GOLGB1: variants seen among roughly 807,000 people sequenced by gnomAD.
The protein encoded by GOLGB1 is golgin subfamily B member 1.
Under a neutral mutation model 336.9 loss-of-function variants are expected in GOLGB1, and 174 were observed. The observed-to-expected ratio is 0.52, with a 90% confidence interval of 0.46 to 0.59. The LOEUF is 0.59. Among genes scored for constraint, GOLGB1 ranks in the 20% least tolerant of loss-of-function variants. GOLGB1 has a pLI of 0.00. For missense variants in GOLGB1, 3,331 were observed against 3,645.3 expected, an observed-to-expected ratio of 0.91 and a Z score of 2.22; for synonymous variants, 1,208 against 1,289.2, an observed-to-expected ratio of 0.94 and a Z score of 1.35.
At chr3:121,727,674 A>T (rs924068056) in intron 4 of GOLGB1, among the ~76,000 whole-genome samples, 1 of 150,632 alleles carries the variant, frequency 6.6e-6, no homozygotes, top group Non-Finnish European at 1.5e-5. Context: ...TCAATAATCT[A>T]TTTTTTTTTC....
rs1220751899 is a variant in GOLGB1 at position 121,722,381 on chromosome 3, T to A, written c.532-3A>T. 5 of 1,500,078 alleles carry A rather than the reference T, an allele frequency of 3.3e-6. No homozygotes were observed. The Admixed American group carries it at 6.7e-5, about 20-fold the overall frequency. The allele number at this position is 1,500,078 out of a possible 1,614,324, so 92.9% of individuals were successfully genotyped here. On this transcript the variant is annotated splice_region_variant and splice_polypyrimidine_tract_variant and intron_variant, in intron 5 of 21. Coordinates refer to ENST00000614479, the MANE Select transcript of GOLGB1 (RefSeq NM_001366282.2). Reference sequence around the variant, plus strand: ...AATTCTTCCATCTCTGTAGAACTCTTATCAAACCGAAGACATAGAAGGAAA... The same window carrying A: ...AATTCTTCCATCTCTGTAGAACTCTAATCAAACCGAAGACATAGAAGGAAA...
chr3:121,677,573 G>A (rs1940574740), intron 15 of GOLGB1, 123 bp from the exon 16 acceptor site: 2 of 657,718 alleles, frequency 3.0e-6, no homozygotes, highest in Non-Finnish European at 5.2e-6. Flanking sequence ...GGTAAAGAAA[G>A]AAAGGCTAAG....
At chr3:121,679,111 A>G (rs922487712) in intron 15 of GOLGB1, among the ~76,000 whole-genome samples, 3 of 152,214 alleles carry the variant, frequency 2.0e-5, no homozygotes, top group African/African-American at 7.2e-5. Context: ...AAAATAAAAT[A>G]GACACATTTC....
chr3:121,730,066 T>A lies in GOLGB1; in HGVS notation c.97-49A>T, dbSNP rs751042602. The A allele has an allele frequency of 3.1e-5, 42 of 1,345,202 alleles. 1 individual carries two copies. Among genetic ancestry groups the A allele is most frequent in the Non-Finnish European group, 4.2e-5 (40 of 956,482 alleles). 83.3% of individuals were successfully genotyped at this position (1,345,202 alleles called of 1,614,324 possible). ...CAGTGCACCAGGAAAAGGTATTAGCTTCCCAACAGGAGTTTCTTCATTCCA... is the reference window on the plus strand; with the variant it reads ...CAGTGCACCAGGAAAAGGTATTAGCATCCCAACAGGAGTTTCTTCATTCCA... On this transcript the variant is annotated intron_variant, in intron 2 of 21. Transcript: ENST00000614479.
At chr3:121,692,663 T>G in intron 13 of GOLGB1, 82 bp from the exon 14 acceptor site, 1 of 712,546 alleles carries the variant, frequency 1.4e-6, no homozygotes, top group East Asian at 2.5e-5. Flanking sequence ...TAACATGTAC[T>G]CAATAGATTT....
intron 5 of GOLGB1, among the ~76,000 whole-genome samples, chr3:121,723,104 T>A (rs934298315): frequency 1.3e-5 from 2 of 152,212 alleles, no homozygotes; most frequent in African/African-American, 4.8e-5. Context: ...ATTGTATAAT[T>A]CAGTATCAAC....
At chr3:121,664,794 C>T (rs1938366681) in intron 21 of GOLGB1, 132 bp downstream of exon 21, 2 of 775,826 alleles carry the variant, frequency 2.6e-6, no homozygotes, top group East Asian at 2.6e-5. Flanking sequence ...ATCTTCCACG[C>T]CCTTCCAGCC....
rs991257100 is a variant in GOLGB1, at chr3:121,719,700, T to G, written c.717A>C (p.Glu239Asp). The change falls in exon 7 of 22, where the codon GAA (glutamate) becomes GAC (aspartate). Residue 239 changes from glutamate (E) to aspartate (D), a missense_variant. Coordinates refer to ENST00000614479, the MANE Select transcript of GOLGB1 (RefSeq NM_001366282.2). Reference sequence around the variant, plus strand: ...GGGTTACTAACTGAAGAAGCTCATCTTCATGAAGACGAACTTGTGTTTCAA... The same window carrying G: ...GGGTTACTAACTGAAGAAGCTCATCGTCATGAAGACGAACTTGTGTTTCAA... Reference protein sequence around the residue: ...ARFETQVRLHEDELLQLVTQA... With the variant: ...ARFETQVRLHDDELLQLVTQA... 6 of 1,611,130 alleles carry G rather than the reference T, an allele frequency of 3.7e-6. No homozygotes were observed. In the African/African-American group the frequency reaches 8.0e-5, roughly 22 times the overall value.
chr3:121,716,660 A>T, intron 9 of GOLGB1, 77 bp downstream of exon 9: 1 of 1,192,200 alleles, frequency 8.4e-7, no homozygotes, highest in Non-Finnish European at 1.2e-6. Flanking sequence ...AGATTTCATT[A>T]ACAGATCCCT....
Position 121,696,069 on chromosome 3 carries a change from T to G in GOLGB1, c.4454A>C (p.Gln1485Pro), listed in dbSNP as rs748180198. 6.2e-7 allele frequency: 1 copy of G among 1,613,966 alleles called. No individual in the cohort carries two copies. The highest frequency in any genetic ancestry group is 2.2e-5 in the East Asian group (1 of 44,884). Residue 1485 changes from glutamine to proline, a missense_variant, in exon 13 of 22, where the codon CAA becomes CCA. Gln to Pro is a moderately conservative substitution (Grantham distance 76, BLOSUM62 -1). Transcript: ENST00000614479. ...EIGEESRAKQ[Q>P]IQRKLQAALI... is the part of the protein sequence containing the mutation. ...GGCAGCTTGCAGTTTCCTTTGTATT[T>G]GTTGCTTTGCTCTACTTTCTTCTCC... is the stretch of plus-strand genomic sequence containing the variant.
At chr3:121,688,729 C>A (rs1297104046) in intron 14 of GOLGB1, among the ~76,000 whole-genome samples, 1 of 151,826 alleles carries the variant, frequency 6.6e-6, no homozygotes, top group African/African-American at 2.4e-5. Flanking sequence ...GCCATCCCAT[C>A]TAGGAAGTGA....
At chr3:121,747,221 T>G (rs1192272150) in intron 1 of GOLGB1, among the ~76,000 whole-genome samples, 1 of 138,824 alleles carries the variant, frequency 7.2e-6, no homozygotes, top group Non-Finnish European at 1.5e-5. Flanking sequence ...ACATGTTATG[T>G]ATGGATGTTA....
Position 121,668,058 on chromosome 3 carries a change from T to C in GOLGB1, c.9419+3A>G. The C allele has an allele frequency of 6.5e-7, 1 of 1,550,296 alleles. No homozygotes were observed. Among genetic ancestry groups the C allele is most frequent in the Middle Eastern group, 1.7e-4 (1 of 5,900 alleles). On this transcript the variant is annotated splice_donor_region_variant and intron_variant, in intron 19 of 21. Coordinates refer to ENST00000614479, the MANE Select transcript of GOLGB1 (RefSeq NM_001366282.2). The stretch of plus-strand genomic sequence containing the variant: ...TCCAGGGTTTAGAGAGCCACTCCCC[T>C]ACCTTTGCTGCGGTTCCCTTAGTTC...
chr3:121,690,582 A>C (rs1398945141), intron 14 of GOLGB1, 88 bp downstream of exon 14: 1 of 636,474 alleles, frequency 1.6e-6, no homozygotes, highest in Non-Finnish European at 2.5e-6. Context: ...TATGTATAAG[A>C]ATGTGTTTAT....
In GOLGB1 at chr3:121,674,487, T is replaced by C. The variant is rs896367175; in HGVS notation, c.9177+2406A>G. 2.0e-5 allele frequency among the ~76,000 whole-genome samples: 3 copies of C among 152,370 alleles called. No individual in the cohort carries two copies. In the East Asian group the frequency reaches 5.8e-4, roughly 29 times the overall value. ...TGTTATACTGTATTTTTAAAATTCA[T>C]GTTTTCCTGAATATTTTCAATCTAC... On this transcript the variant is annotated intron_variant, in intron 17 of 21. Transcript: ENST00000614479.
intron 17 of GOLGB1, among the ~76,000 whole-genome samples, chr3:121,674,821 C>G (rs999986871): frequency 3.6e-5 from 5 of 140,280 alleles, no homozygotes; most frequent in Non-Finnish European, 7.7e-5. Context: ...AATGAGGTGC[C>G]TTTCTTTTTT....
chr3:121,692,473 C>G lies in GOLGB1; in HGVS notation c.6891G>C (p.Gln2297His). ...LQGENKELLS[Q>H]LEETRHLYHS... ...GGTATAGGTGGCGTGTCTCTTCTAG[C>G]TGGGACAAAAGTTCTTTGTTTTCCC... Residue 2297 changes from glutamine (Q) to histidine (H), a missense_variant, in exon 14 of 22, where the codon CAG becomes CAC. Transcript: ENST00000614479. The G allele has an allele frequency of 6.2e-7, 1 of 1,614,026 alleles. No homozygotes were observed. The highest frequency in any genetic ancestry group is 8.5e-7 in the Non-Finnish European group (1 of 1,179,928).
chr3:121,678,154 A>T (rs377399243), intron 15 of GOLGB1, among the ~76,000 whole-genome samples: 1 of 152,288 alleles, frequency 6.6e-6, no homozygotes, highest in East Asian at 1.9e-4. Context: ...TTGTTCTTGT[A>T]TTATCTGGGG....
intron 1 of GOLGB1, chr3:121,748,794 T>G (rs1947552805): frequency 2.0e-6 from 2 of 982,938 alleles, no homozygotes; most frequent in South Asian, 4.7e-5. Flanking sequence ...CCCATGATTG[T>G]AAATATCCCT....
Sources: gnomAD v4.1 joint callset for allele counts (sites outside exome capture counted in the v4.1 genomes callset) on GRCh38, gnomAD v4.1.1 for gene constraint, MANE v1.5 for transcripts, NCBI Gene and HGNC (gene_info 2026-07-23, HGNC 2026-07-21) for gene names.